CRYBA4: variants seen among roughly 807,000 people sequenced by gnomAD.
CRYBA4 encodes beta-crystallin A4.
CRYBA4 carries 30 observed loss-of-function variants against 31.7 expected under a neutral mutation model. The ratio of observed to expected loss-of-function variants is 0.95; its 90% CI spans 0.71 to 1.28. CRYBA4 has a LOEUF of 1.28. CRYBA4 is among the 50% of genes most tolerant of loss of function. The probability of loss-of-function intolerance (pLI) is 0.00; values close to 1 mark genes in which losing one functional copy is unlikely to be tolerated. For synonymous variants in CRYBA4, 102 were observed against 102.3 expected, an observed-to-expected ratio of 1.00 and a Z score of 0.02; for missense variants, 225 against 260.7, an observed-to-expected ratio of 0.86 and a Z score of 0.94.
At position 26,625,587 on chromosome 22, in the gene CRYBA4, G is replaced by T. The variant is rs369225228; in HGVS notation, c.265G>T (p.Glu89Ter). Residue 89 changes from glutamate (E) to a stop codon, truncating the protein, a stop_gained, in exon 4 of 6, where the codon GAG becomes TAG. Transcript: ENST00000354760. LOFTEE classifies it high-confidence loss of function. The part of the protein sequence containing the change: ...AWGGNTAYPA[E>*]RLTSFRPAAC... ...GGGCGGCAACACGGCCTACCCCGCC[G>T]AGAGGCTCACCTCCTTCCGGCCTGC... The T allele has an allele frequency of 1.9e-6, 3 of 1,613,864 alleles. No homozygotes were observed. The highest frequency in any genetic ancestry group is 2.5e-6 in the Non-Finnish European group (3 of 1,180,012).
At chr22:26,623,984 T>G (rs764988657) in intron 3 of CRYBA4, among the ~76,000 whole-genome samples, 1 of 152,252 alleles carries the variant, frequency 6.6e-6, no homozygotes, top group Non-Finnish European at 1.5e-5. Context: ...GTAGCCAGCA[T>G]GAGTAGAGAA....
In CRYBA4 at chr22:26,630,641, C is replaced by G. The variant is rs1028824624; in HGVS notation, c.*154C>G. 4 of 629,946 alleles carry G rather than the reference C, an allele frequency of 6.3e-6. No individual in the cohort carries two copies. Among genetic ancestry groups the G allele is most frequent in the Non-Finnish European group, 1.1e-5 (4 of 359,022 alleles). The allele number at this position is 629,946 out of a possible 1,614,324, so 39.0% of individuals were successfully genotyped here. On this transcript the variant is annotated 3_prime_UTR_variant, in exon 6 of 6. Coordinates refer to ENST00000354760, the MANE Select transcript of CRYBA4 (RefSeq NM_001886.3). ...CCGTGCACAGTCAGCACAAAAAACT[C>G]AAACGAATAAAAAAGAGAAAGTCTG...
the CRYBA4 span, among the ~76,000 whole-genome samples, chr22:26,613,632 C>G: frequency 6.6e-6 from 1 of 152,188 alleles, no homozygotes; most frequent in Non-Finnish European, 1.5e-5. Flanking sequence ...ATCTCTTAAT[C>G]CTGTCAGCTG....
chr22:26,627,430 C>CTTTCTTTCTT (rs1929764328), intron 4 of CRYBA4, among the ~76,000 whole-genome samples: 1 of 91,174 alleles, frequency 1.1e-5, no homozygotes, highest in Admixed American at 1.3e-4. Context: ...CTTTCTTTTT[C>CTTTCTTTCTT]TTTCTTTCTT....
At chr22:26,624,579 CT>C (rs1198197298) in intron 3 of CRYBA4, among the ~76,000 whole-genome samples, 2 of 152,202 alleles carry the variant, frequency 1.3e-5, no homozygotes, top group Non-Finnish European at 2.9e-5. Context: ...AGTAAATACT[CT>C]TTTAGCTTCT....
upstream of CRYBA4, among the ~76,000 whole-genome samples, chr22:26,617,765 T>A (rs1012134678): frequency 6.6e-6 from 1 of 152,114 alleles, no homozygotes; most frequent in Non-Finnish European, 1.5e-5. Context: ...CTGTCCTTTT[T>A]AATTATATTT....
At chr22:26,600,318 C>T in the CRYBA4 span, among the ~76,000 whole-genome samples, 3 of 151,812 alleles carry the variant, frequency 2.0e-5, no homozygotes, top group Non-Finnish European at 2.9e-5. Context: ...AGGAGAACGG[C>T]GTGAACCCAG....
chr22:26,600,769 T>C, the CRYBA4 span, among the ~76,000 whole-genome samples: 1 of 152,242 alleles, frequency 6.6e-6, no homozygotes, highest in African/African-American at 2.4e-5. Context: ...CTCCCTATAT[T>C]GTAAAGCCTG....
the CRYBA4 span, among the ~76,000 whole-genome samples, chr22:26,594,439 T>A: frequency 6.6e-6 from 1 of 152,210 alleles, no homozygotes; most frequent in African/African-American, 2.4e-5. Flanking sequence ...GGGTTGCCTC[T>A]TGTCGATGAG....
At chr22:26,616,448 C>A in the CRYBA4 span, 3 of 745,692 alleles carry the variant, frequency 4.0e-6, no homozygotes, top group Non-Finnish European at 7.0e-6. Context: ...CTCTCTATCT[C>A]CTTCTGAAAC....
intron 4 of CRYBA4, among the ~76,000 whole-genome samples, chr22:26,627,357 CTCCTTTCT>C (rs1381955183): frequency 2.4e-4 from 8 of 32,810 alleles, no homozygotes; most frequent in South Asian, 1.9e-3. Flanking sequence ...CCCTCCCTCC[CTCCTTTCT>C]TTCTTTCTTT....
chr22:26,616,163 C>A, the CRYBA4 span: 1 of 1,614,192 alleles, frequency 6.2e-7, no homozygotes, highest in Admixed American at 1.7e-5. Context: ...GGAGGCAGTT[C>A]CGCCGCCTTG....
the CRYBA4 span, among the ~76,000 whole-genome samples, chr22:26,610,741 A>T: frequency 6.6e-6 from 1 of 152,090 alleles, no homozygotes; most frequent in Admixed American, 6.5e-5. Flanking sequence ...ATGCTGTATG[A>T]TCTCCCTCAG....
In CRYBA4 at chr22:26,625,573, C is replaced by CGGCCT. The variant is rs1929679032; in HGVS notation, c.252_256dup (p.Tyr86TrpfsTer24). The CGGCCT allele has an allele frequency of 1.2e-6, 2 of 1,613,670 alleles. No individual in the cohort carries two copies. The highest frequency in any genetic ancestry group is 1.7e-6 in the Non-Finnish European group (2 of 1,179,946). On this transcript the variant is annotated frameshift_variant, in exon 4 of 6. Transcript: ENST00000354760. LOFTEE classifies it high-confidence loss of function. ...AGCTGGGATGCCTGGGGCGGCAACA[C>CGGCCT]GGCCTACCCCGCCGAGAGGCTCACC...
chr22:26,592,652 G>A, the CRYBA4 span, among the ~76,000 whole-genome samples: 1 of 152,232 alleles, frequency 6.6e-6, no homozygotes, highest in African/African-American at 2.4e-5. Context: ...AGCTTTGTGG[G>A]CTGTGGGAAG....
the CRYBA4 span, among the ~76,000 whole-genome samples, chr22:26,600,101 T>C: frequency 1.3e-5 from 2 of 152,138 alleles, no homozygotes; most frequent in Non-Finnish European, 2.9e-5. Context: ...AAGTGTTATT[T>C]CAAAAAATTG....
chr22:26,591,890 T>TACACACAC, the CRYBA4 span, among the ~76,000 whole-genome samples: 5,005 of 135,886 alleles, frequency 0.037, 119 homozygotes, highest in African/African-American at 0.056. Context: ...CCTGGGTGAG[T>TACACACAC]ACACACACAC....
rs1211894506 is a variant in CRYBA4, at chr22:26,630,564, C to T, written c.*77C>T. 1.4e-5 allele frequency: 18 copies of T among 1,266,702 alleles called. No homozygotes were observed. Among genetic ancestry groups the T allele is most frequent in the South Asian group, 6.3e-5 (5 of 78,904 alleles). The allele number at this position is 1,266,702 out of a possible 1,614,324, so 78.5% of individuals were successfully genotyped here. A position where few individuals can be genotyped will look rare whatever the true frequency, so the allele number is the denominator to read the frequency against. On this transcript the variant is annotated 3_prime_UTR_variant, in exon 6 of 6. Coordinates refer to ENST00000354760, the MANE Select transcript of CRYBA4 (RefSeq NM_001886.3). ...CTCTGGAGGCTGTGGTGTGTTCTCT[C>T]CTTCTGCCTCCCCCTGTAACCTGTG...
the CRYBA4 span, among the ~76,000 whole-genome samples, chr22:26,598,238 G>A: frequency 6.6e-6 from 1 of 152,184 alleles, no homozygotes; most frequent in African/African-American, 2.4e-5. Flanking sequence ...GAGTGAACAG[G>A]TTGCAGGCAG....
Sources: allele counts gnomAD v4.1 joint callset (sites outside exome capture counted in the v4.1 genomes callset), GRCh38; gene constraint gnomAD v4.1.1; transcripts MANE v1.5; gene names NCBI Gene and HGNC (gene_info 2026-07-23, HGNC 2026-07-21).